TPM3: variants seen among roughly 807,000 people sequenced by gnomAD.
The protein encoded by TPM3 is tropomyosin 3.
TPM3 carries 16 observed loss-of-function variants against 43.1 expected under a neutral mutation model. That is an observed-to-expected ratio of 0.37 (90% confidence interval 0.25 to 0.56). The LOEUF is 0.56. Ranked by LOEUF, TPM3 falls within the 20% of genes least tolerant of loss-of-function variation. TPM3 has a pLI of 0.77. For synonymous variants in TPM3, 101 were observed against 116.9 expected, an observed-to-expected ratio of 0.86 and a Z score of 0.88; for missense variants, 176 against 337.2, an observed-to-expected ratio of 0.52 and a Z score of 3.74.
At chr1:154,173,490 C>T (rs997209859) in intron 3 of TPM3, among the ~76,000 whole-genome samples, 3 of 152,052 alleles carry the variant, frequency 2.0e-5, no homozygotes, top group Admixed American at 6.6e-5. Context: ...CATGGAGAAA[C>T]CCCGTCTCTA....
intron 2 of TPM3, among the ~76,000 whole-genome samples, chr1:154,182,120 C>G (rs1328975969): frequency 2.6e-5 from 4 of 152,220 alleles, no homozygotes; most frequent in Non-Finnish European, 5.9e-5. Flanking sequence ...CTTATCAGCT[C>G]TGCTCGGAAG....
Position 154,167,948 on chromosome 1 carries a change from A to T in TPM3, c.855-8T>A, listed in dbSNP as rs1661163860. The T allele has an allele frequency of 6.2e-7, 1 of 1,614,068 alleles. No homozygotes were observed. Among genetic ancestry groups the T allele is most frequent in the Non-Finnish European group, 8.5e-7 (1 of 1,179,968 alleles). On this transcript the variant is annotated splice_region_variant and splice_polypyrimidine_tract_variant and intron_variant, in intron 9 of 9. Coordinates refer to ENST00000651641, the MANE Select transcript of TPM3 (RefSeq NM_152263.4). ...AGAAACGGTGATAATTATCTGTATG[A>T]AAAAGTAAGGATACTCTAGGTGAGA...
rs563700738 is a variant in TPM3 at position 154,166,578 on chromosome 1, C to T, written c.*1359G>A. 1.4e-4 allele frequency: 151 copies of T among 1,052,794 alleles called. No homozygotes were observed. In the African/African-American group the frequency reaches 1.6e-3, roughly 11 times the overall value. 65.2% of individuals were successfully genotyped at this position (1,052,794 alleles called of 1,614,324 possible). A position where few individuals can be genotyped will look rare whatever the true frequency, so the allele number is the denominator to read the frequency against. On this transcript the variant is annotated 3_prime_UTR_variant, in exon 10 of 10. Coordinates refer to ENST00000651641, the MANE Select transcript of TPM3 (RefSeq NM_152263.4). ...AAGAAAAGCAAATTTTAAATACATACCCTGCTGGGAAACTAAAGTACTAAG... is the reference window on the plus strand; with the variant it reads ...AAGAAAAGCAAATTTTAAATACATATCCTGCTGGGAAACTAAAGTACTAAG...
At chr1:154,182,495 C>A (rs1328957071) in intron 2 of TPM3, among the ~76,000 whole-genome samples, 1 of 152,182 alleles carries the variant, frequency 6.6e-6, no homozygotes. Flanking sequence ...AGCAGGCAGG[C>A]CGGGGTCTTT....
intron 5 of TPM3, chr1:154,172,649 T>C (rs1571404537): frequency 1.9e-6 from 1 of 532,768 alleles, no homozygotes; most frequent in Non-Finnish European, 3.4e-6. Flanking sequence ...CTGTTCACCA[T>C]GTATTAGTCC....
intron 3 of TPM3, among the ~76,000 whole-genome samples, chr1:154,175,069 C>T (rs1052837344): frequency 3.3e-5 from 5 of 152,114 alleles, no homozygotes; most frequent in African/African-American, 9.6e-5. Flanking sequence ...CAGTGGCTCA[C>T]GCCTGTAATC....
downstream of TPM3, chr1:154,158,921 G>T (rs1660076384): frequency 1.3e-6 from 1 of 777,870 alleles, no homozygotes; most frequent in South Asian, 1.3e-5. Context: ...CCAGGTCAGT[G>T]GTGTGAGCAG....
rs1663664157 is a variant in TPM3, at chr1:154,191,171, C to A, written c.243+15G>T. 6.3e-7 allele frequency: 1 copy of A among 1,599,614 alleles called. No homozygotes were observed. The highest frequency in any genetic ancestry group is 8.6e-7 in the Non-Finnish European group (1 of 1,167,912). ...TGTGTAGATTAAACCCATCCTCCAT[C>A]TCTCTAATACTCACATCAGCAGCCT... On this transcript the variant is annotated intron_variant, in intron 2 of 9. Transcript: ENST00000651641.
chr1:154,176,312 G>A (rs534697983), intron 2 of TPM3, 64 bp from the exon 3 acceptor site: 2 of 1,611,378 alleles, frequency 1.2e-6, no homozygotes, highest in Non-Finnish European at 1.7e-6. Flanking sequence ...AAATAACTAT[G>A]ACATTAAGAT....
chr1:154,176,057 T>C, intron 3 of TPM3, 58 bp downstream of exon 3: 6 of 1,610,970 alleles, frequency 3.7e-6, no homozygotes, highest in Non-Finnish European at 5.1e-6. Flanking sequence ...TAAGGAAATC[T>C]TGATCAGAAC....
chr1:154,180,641 C>T (rs572060157), intron 2 of TPM3, among the ~76,000 whole-genome samples: 3 of 152,298 alleles, frequency 2.0e-5, no homozygotes, highest in Admixed American at 2.0e-4. Flanking sequence ...GGCGCAGTGG[C>T]TCATGCCTGT....
chr1:154,174,431 T>C (rs1662055415), intron 3 of TPM3, among the ~76,000 whole-genome samples: 1 of 117,166 alleles, frequency 8.5e-6, no homozygotes, highest in Admixed American at 9.5e-5. Context: ...CCATCCCAGC[T>C]TCCCCAAAGT....
Position 154,167,516 on chromosome 1 carries a change from A to T in TPM3, c.*421T>A. 1 of 1,091,138 alleles carries T rather than the reference A, an allele frequency of 9.2e-7. No individual in the cohort carries two copies. The highest frequency in any genetic ancestry group is 1.1e-6 in the Non-Finnish European group (1 of 893,746). The allele number at this position is 1,091,138 out of a possible 1,614,324, so 67.6% of individuals were successfully genotyped here. A position where few individuals can be genotyped will look rare whatever the true frequency, so the allele number is the denominator to read the frequency against. ...TTTAATCTTGTTCAGCTTGAGGAGTATAACTAAAATTACTATCCTGAGTAA... is the reference window on the plus strand; with the variant it reads ...TTTAATCTTGTTCAGCTTGAGGAGTTTAACTAAAATTACTATCCTGAGTAA... On this transcript the variant is annotated 3_prime_UTR_variant, in exon 10 of 10. Transcript: ENST00000651641.
chr1:154,174,604 C>T (rs1662086884), intron 3 of TPM3, among the ~76,000 whole-genome samples: 1 of 148,764 alleles, frequency 6.7e-6, no homozygotes, highest in African/African-American at 2.5e-5. Flanking sequence ...CAGTGCTTCT[C>T]GTGCCTTAGC....
chr1:154,159,493 A>G (rs1251359283), downstream of TPM3, among the ~76,000 whole-genome samples: 1 of 152,250 alleles, frequency 6.6e-6, no homozygotes, highest in Non-Finnish European at 1.5e-5. Flanking sequence ...TAAACAGTAT[A>G]CTGGGAGAAA....
At chr1:154,157,896 A>G (rs1438723635), downstream of TPM3, among the ~76,000 whole-genome samples, 1 of 152,142 alleles carries the variant, frequency 6.6e-6, no homozygotes, top group Non-Finnish European at 1.5e-5. Context: ...TGGCTTGCCT[A>G]CTGAAGTTGT....
rs374828151 is a variant in TPM3 at position 154,171,475 on chromosome 1, G to A, written c.580C>T (p.Leu194=). Residue 194 remains leucine (L), a synonymous_variant, in exon 6 of 10, where the codon CTG becomes TTG. Transcript: ENST00000651641. ...GTGACATTCTTCAGCTCCTCCTCCA[G>A]CTCAGAACACTTACTGTGAATATTT... ...AELAESKCSE[L]EEELKNVTNN... The A allele has an allele frequency of 1.2e-5, 19 of 1,614,002 alleles. No individual in the cohort carries two copies. In the African/African-American group the frequency reaches 2.1e-4, roughly 18 times the overall value.
At chr1:154,190,925 A>T (rs1663652797) in intron 2 of TPM3, among the ~76,000 whole-genome samples, 1 of 152,190 alleles carries the variant, frequency 6.6e-6, no homozygotes, top group Non-Finnish European at 1.5e-5. Context: ...AAAGATAATT[A>T]AATTCCTGGG....
chr1:154,183,985 G>A (rs1052376274), intron 2 of TPM3, among the ~76,000 whole-genome samples: 1 of 151,304 alleles, frequency 6.6e-6, no homozygotes, highest in Non-Finnish European at 1.5e-5. Context: ...TCAGCCTCCG[G>A]TGTAGCTGGG....
Sources: allele counts gnomAD v4.1 joint callset (sites outside exome capture counted in the v4.1 genomes callset), GRCh38; gene constraint gnomAD v4.1.1; transcripts MANE v1.5; gene names NCBI Gene and HGNC (gene_info 2026-07-23, HGNC 2026-07-21).